The following PPP2R1A variants were observed in gnomAD, a reference collection of about 807,000 sequenced individuals.
The protein encoded by PPP2R1A is protein phosphatase 2 scaffold subunit Aalpha.
In PPP2R1A, 15 loss-of-function variants were observed where a neutral mutation model predicts 67.1. The observed-to-expected ratio is 0.22, with a 90% CI of 0.15 to 0.34. The LOEUF (loss-of-function observed/expected upper bound fraction) is 0.34. PPP2R1A is among the 10% of genes least tolerant of loss of function. The pLI is 1.00. For missense variants in PPP2R1A, 369 were observed against 775.0 expected, an observed-to-expected ratio of 0.48 and a Z score of 6.22; for synonymous variants, 337 against 325.0, an observed-to-expected ratio of 1.04 and a Z score of -0.40.
At chr19:52,202,141 C>G in intron 2 of PPP2R1A, 107 bp downstream of exon 2, 2 of 955,080 alleles carry the variant, frequency 2.1e-6, no homozygotes, top group Non-Finnish European at 3.3e-6. Context: ...GAATATCTGC[C>G]CTGTGTTAGA....
intron 1 of PPP2R1A, among the ~76,000 whole-genome samples, chr19:52,193,818 A>G (rs2089475124): frequency 6.6e-6 from 1 of 151,948 alleles, no homozygotes; most frequent in Non-Finnish European, 1.5e-5. Context: ...TGCCTCCCAA[A>G]GTGCTGGGAT....
Position 52,206,074 on chromosome 19 carries a change from G to T in PPP2R1A, c.270+11G>T, listed in dbSNP as rs1317818079. On this transcript the variant is annotated intron_variant, in intron 3 of 14. Coordinates refer to ENST00000322088, the MANE Select transcript of PPP2R1A (RefSeq NM_014225.6). ...GTGCACTGCCTGCTGGTGAGTGGAAGGCAGGAAGTCCTCTTGCCCACCCCT... is the reference window on the plus strand; with the variant it reads ...GTGCACTGCCTGCTGGTGAGTGGAATGCAGGAAGTCCTCTTGCCCACCCCT... 6.2e-7 allele frequency: 1 copy of T among 1,611,520 alleles called. No homozygotes were observed. The highest frequency in any genetic ancestry group is 2.2e-5 in the East Asian group (1 of 44,862).
intron 9 of PPP2R1A, among the ~76,000 whole-genome samples, chr19:52,217,134 G>A (rs1978624135): frequency 6.6e-6 from 1 of 152,158 alleles, no homozygotes; most frequent in Non-Finnish European, 1.5e-5. Context: ...AGGTTGCAAT[G>A]AGCCAAGATT....
At chr19:52,208,254 T>C (rs2089626162) in intron 3 of PPP2R1A, among the ~76,000 whole-genome samples, 1 of 152,088 alleles carries the variant, frequency 6.6e-6, no homozygotes, top group South Asian at 2.1e-4. Context: ...CTGCAACCTC[T>C]GCCTCCCAGG....
chr19:52,190,801 C>T (rs1290763533), intron 1 of PPP2R1A, among the ~76,000 whole-genome samples: 2 of 152,184 alleles, frequency 1.3e-5, no homozygotes, highest in Non-Finnish European at 2.9e-5. Flanking sequence ...CCCATCTCCC[C>T]GGATCCTCCC....
At chr19:52,201,824 G>T (rs1169140464) in intron 1 of PPP2R1A, 120 bp from the exon 2 acceptor site, 2 of 825,440 alleles carry the variant, frequency 2.4e-6, no homozygotes. Context: ...AATTACTCTT[G>T]AGCATCTTCA....
rs112790664 is a variant in PPP2R1A, at chr19:52,212,037, A to G, written c.503+545A>G. On this transcript the variant is annotated intron_variant, in intron 4 of 14. Coordinates refer to ENST00000322088, the MANE Select transcript of PPP2R1A (RefSeq NM_014225.6). The surrounding 1 kb of genome is among the most constrained non-coding windows in gnomAD (Gnocchi z 4.1). ...TTTGATCGAAGCAATTGCTGCTGAA[A>G]AATAAAGCCTTTCTGTGGCTCTAGA... Among the ~76,000 whole-genome samples the G allele has an allele frequency of 6.7e-3, 1,017 of 152,348 alleles. 13 individuals are homozygous for G. The highest frequency in any genetic ancestry group is 0.023 in the African/African-American group (967 of 41,578).
Position 52,222,271 on chromosome 19 carries a change from G to T in PPP2R1A, c.1661+30G>T, listed in dbSNP as rs143660956. ...GGTCTGGATACTCCCCCACACACTG[G>T]CAGGGGCTTCTTGTGGGCACCTTAA... On this transcript the variant is annotated intron_variant, in intron 13 of 14. Transcript: ENST00000322088. The T allele has an allele frequency of 1.6e-4, 264 of 1,601,208 alleles. 2 individuals carry two copies. The East Asian group carries it at 5.9e-3, about 36-fold the overall frequency.
intron 1 of PPP2R1A, among the ~76,000 whole-genome samples, chr19:52,198,540 A>G (rs1490992485): frequency 6.6e-6 from 1 of 152,186 alleles, no homozygotes; most frequent in Non-Finnish European, 1.5e-5. Context: ...TCCAAAGGAT[A>G]CAGATGAAGA....
intron 6 of PPP2R1A, among the ~76,000 whole-genome samples, chr19:52,214,204 G>A (rs1343622235): frequency 6.6e-6 from 1 of 152,106 alleles, no homozygotes; most frequent in Non-Finnish European, 1.5e-5. Context: ...GAACATTCAG[G>A]CCTGATCTTG....
chr19:52,228,580 C>T lies in PPP2R1A; in HGVS notation c.*2599C>T, dbSNP rs1979394514. 1 of 152,246 alleles carries T rather than the reference C, an allele frequency of 6.6e-6. No individual in the cohort carries two copies. Among genetic ancestry groups the T allele is most frequent in the Non-Finnish European group, 1.5e-5 (1 of 68,092 alleles). 9.4% of individuals were successfully genotyped at this position (152,246 alleles called of 1,614,324 possible). On this transcript the variant is annotated 3_prime_UTR_variant, in exon 15 of 15. Coordinates refer to ENST00000322088, the MANE Select transcript of PPP2R1A (RefSeq NM_014225.6). ...TTGTTTGCTCCATACACCTGGCCTT[C>T]TCTGTAGCAGCTGAAGTTTGATGCT...
chr19:52,211,684 A>G lies in PPP2R1A; in HGVS notation c.503+192A>G. On this transcript the variant is annotated intron_variant, in intron 4 of 14. Coordinates refer to ENST00000322088, the MANE Select transcript of PPP2R1A (RefSeq NM_014225.6). The surrounding 1 kb of genome is among the most constrained non-coding windows in gnomAD (Gnocchi z 5.3). ...GACACGGCCACGTGTCAGTTTACCC[A>G]CCTCTGCCCCCTTGCTCACTTAGGA... The G allele has an allele frequency of 1.6e-6, 1 of 608,562 alleles. No homozygotes were observed. Among genetic ancestry groups the G allele is most frequent in the Non-Finnish European group, 2.9e-6 (1 of 348,330 alleles). The allele number at this position is 608,562 out of a possible 1,614,324, so 37.7% of individuals were successfully genotyped here.
intron 1 of PPP2R1A, 100 bp downstream of exon 1, chr19:52,190,274 A>T (rs1321863568): frequency 2.2e-6 from 3 of 1,358,492 alleles, no homozygotes; most frequent in East Asian, 5.1e-5. Flanking sequence ...GAGTGGCGGA[A>T]GGGGGCGACG....
chr19:52,192,784 A>G (rs924136428), intron 1 of PPP2R1A, among the ~76,000 whole-genome samples: 4 of 152,198 alleles, frequency 2.6e-5, no homozygotes, highest in Non-Finnish European at 5.9e-5. Flanking sequence ...TGCAAAGGAT[A>G]CAGATGAAGA....
intron 1 of PPP2R1A, chr19:52,191,481 AG>A (rs2089454253): frequency 6.6e-6 from 1 of 152,164 alleles, no homozygotes; most frequent in Non-Finnish European, 1.5e-5. Flanking sequence ...TCCTCCCTTT[AG>A]GTCTGTTTTC....
intron 13 of PPP2R1A, among the ~76,000 whole-genome samples, chr19:52,222,863 C>T (rs1173480876): frequency 6.6e-6 from 1 of 152,098 alleles, no homozygotes; most frequent in Admixed American, 6.5e-5. Flanking sequence ...GGCGATAGAG[C>T]GAGACTGTCT....
Position 52,206,025 on chromosome 19 carries a change from A to G in PPP2R1A, c.232A>G (p.Thr78Ala). The G allele has an allele frequency of 6.2e-7, 1 of 1,614,044 alleles. No homozygotes were observed. Among genetic ancestry groups the G allele is most frequent in the Non-Finnish European group, 8.5e-7 (1 of 1,179,958 alleles). The change falls in exon 3 of 15, where the codon ACC (threonine) becomes GCC (alanine). Residue 78 changes from threonine (T) to alanine (A), a missense_variant. Physicochemically the swap from Thr to Ala is moderately conservative, Grantham distance 58. Transcript: ENST00000322088. ...GGCAGAACAGCTGGGAACCTTCACTACCCTGGTGGGAGGCCCAGAGTACGT... is the reference window on the plus strand; with the variant it reads ...GGCAGAACAGCTGGGAACCTTCACTGCCCTGGTGGGAGGCCCAGAGTACGT... ...ALAEQLGTFT[T>A]LVGGPEYVHC...
At position 52,211,602 on chromosome 19, in the gene PPP2R1A, T is replaced by C; in HGVS notation, c.503+110T>C. 9.0e-7 allele frequency: 1 copy of C among 1,116,086 alleles called. No individual in the cohort carries two copies. The highest frequency in any genetic ancestry group is 2.0e-4 in the Middle Eastern group (1 of 4,896). 69.1% of individuals were successfully genotyped at this position (1,116,086 alleles called of 1,614,324 possible). A position where few individuals can be genotyped will look rare whatever the true frequency, so the allele number is the denominator to read the frequency against. ...GGGGCCCAAATGCCCCTGAACTCTCTCCACTCCCACTCCTGCTTACCACCT... is the reference window on the plus strand; with the variant it reads ...GGGGCCCAAATGCCCCTGAACTCTCCCCACTCCCACTCCTGCTTACCACCT... On this transcript the variant is annotated intron_variant, in intron 4 of 14. Transcript: ENST00000322088. This position sits in a 1 kb window ranked among gnomAD's most constrained non-coding sequence, Gnocchi z 5.3.
chr19:52,193,104 A>C (rs574449895), intron 1 of PPP2R1A, among the ~76,000 whole-genome samples: 4 of 152,248 alleles, frequency 2.6e-5, no homozygotes, highest in Non-Finnish European at 4.4e-5. Context: ...GAATTCTCAC[A>C]ATCACTCTTT....
Sources: allele counts gnomAD v4.1 joint callset (sites outside exome capture counted in the v4.1 genomes callset), GRCh38; gene constraint gnomAD v4.1.1; non-coding constraint Gnocchi (gnomAD v3.1); transcripts MANE v1.5; gene names NCBI Gene and HGNC (gene_info 2026-07-23, HGNC 2026-07-21).